The following CPD variants were observed in gnomAD, a reference collection of about 807,000 sequenced individuals.
CPD encodes the protein carboxypeptidase D, also known as metallocarboxypeptidase D.
CPD carries 69 observed loss-of-function variants against 138.3 expected under a neutral mutation model. That is an observed-to-expected ratio of 0.50 (90% CI 0.41 to 0.61). The LOEUF (loss-of-function observed/expected upper bound fraction) is 0.61, where lower values mean the gene tolerates loss of function less well. Ranked by LOEUF, CPD falls within the 20% of genes least tolerant of loss-of-function variation. The pLI is 0.00. For synonymous variants in CPD, 651 were observed against 642.1 expected (o/e 1.01, Z -0.21); for missense variants, 1,432 against 1,733.3 (o/e 0.83, Z 3.09).
intron 9 of CPD, among the ~76,000 whole-genome samples, 155 bp from the exon 10 acceptor site, chr17:30,442,153 A>T (rs7214121): frequency 1.3e-5 from 2 of 152,160 alleles, no homozygotes; most frequent in African/African-American, 4.8e-5. Context: ...TTTTGCTTGT[A>T]TCGCAAGCAT....
chr17:30,411,053 G>A (rs1235236159), intron 2 of CPD, among the ~76,000 whole-genome samples: 1 of 152,160 alleles, frequency 6.6e-6, no homozygotes, highest in Admixed American at 6.5e-5. Context: ...GGCAGGTCTG[G>A]TGGTGACAAA....
chr17:30,462,194 A>G (rs1160703106), intron 19 of CPD, 132 bp downstream of exon 19: 5 of 1,078,910 alleles, frequency 4.6e-6, no homozygotes, highest in African/African-American at 1.6e-5. Context: ...CTTGATTATG[A>G]TATCTTGTTA....
At chr17:30,421,476 A>G (rs1567874389) in intron 3 of CPD, among the ~76,000 whole-genome samples, 188 bp from the exon 4 acceptor site, 1 of 152,240 alleles carries the variant, frequency 6.6e-6, no homozygotes, top group Non-Finnish European at 1.5e-5. Context: ...GTTCAGACAT[A>G]TGACTTAAGT....
At position 30,420,948 on chromosome 17, in the gene CPD, A is replaced by G; in HGVS notation, c.1102A>G (p.Asn368Asp). The change falls in exon 3 of 21, where the codon AAC becomes GAC. Residue 368 changes from asparagine to aspartate, a missense_variant. This residue lies in a region of CPD where 160 missense variants were observed against 197.9 expected (regional missense o/e 0.81). Coordinates refer to ENST00000225719, the MANE Select transcript of CPD (RefSeq NM_001304.5). ...TTCACAGCTTCGACAGGAATGGGAG[A>G]ACAATCGTGAGTCTTTGATCACATT... ...PASQLRQEWENNRESLITLIE... is the reference protein window; with the variant it reads ...PASQLRQEWEDNRESLITLIE... 1.2e-6 allele frequency: 2 copies of G among 1,613,922 alleles called. No individual in the cohort carries two copies. The highest frequency in any genetic ancestry group is 1.7e-6 in the Non-Finnish European group (2 of 1,179,822).
intron 2 of CPD, among the ~76,000 whole-genome samples, chr17:30,391,604 G>A (rs1458761596): frequency 6.6e-6 from 1 of 152,202 alleles, no homozygotes; most frequent in African/African-American, 2.4e-5. Context: ...GTGGCAAAGA[G>A]AGAGCTTTGG....
In CPD at chr17:30,436,255, G is replaced by C. The variant is rs953030418; in HGVS notation, c.2128-2720G>C. Among the ~76,000 whole-genome samples the C allele has an allele frequency of 7.2e-5, 11 of 152,216 alleles. 1 individual carries two copies. Among genetic ancestry groups the C allele is most frequent in the Admixed American group, 7.2e-4 (11 of 15,278 alleles). ...TTGAGCCCAAGAAGTAGAGGCTATCGTGAGCTATGATCATGCCACTGCACT... is the reference window on the plus strand; with the variant it reads ...TTGAGCCCAAGAAGTAGAGGCTATCCTGAGCTATGATCATGCCACTGCACT... On this transcript the variant is annotated intron_variant, in intron 8 of 20. Coordinates refer to ENST00000225719, the MANE Select transcript of CPD (RefSeq NM_001304.5).
At chr17:30,422,546 CT>C (rs1383086914) in intron 4 of CPD, 127 bp from the exon 5 acceptor site, 1 of 612,864 alleles carries the variant, frequency 1.6e-6, no homozygotes, top group East Asian at 2.9e-5. Context: ...ACACATCTCT[CT>C]TTATTTAGTT....
intron 7 of CPD, among the ~76,000 whole-genome samples, chr17:30,427,886 C>G (rs1183901116): frequency 2.0e-5 from 3 of 150,758 alleles, no homozygotes; most frequent in Non-Finnish European, 1.5e-5. Flanking sequence ...TCTGTCTTGT[C>G]TTTTTTCTCC....
At chr17:30,414,774 T>C (rs1373991775) in intron 2 of CPD, among the ~76,000 whole-genome samples, 1 of 152,206 alleles carries the variant, frequency 6.6e-6, no homozygotes, top group Non-Finnish European at 1.5e-5. Context: ...AGCAACTATT[T>C]AATAGAAGAA....
intron 2 of CPD, among the ~76,000 whole-genome samples, chr17:30,402,729 A>G (rs1048546763): frequency 6.6e-6 from 1 of 152,122 alleles, no homozygotes; most frequent in African/African-American, 2.4e-5. Flanking sequence ...TGGTTATTTG[A>G]ATGTCAAATA....
chr17:30,395,506 T>C (rs1455566641), intron 2 of CPD, among the ~76,000 whole-genome samples: 1 of 152,096 alleles, frequency 6.6e-6, no homozygotes, highest in African/African-American at 2.4e-5. Flanking sequence ...ACGAGTTGGC[T>C]TTAGTAAATT....
intron 2 of CPD, among the ~76,000 whole-genome samples, chr17:30,396,505 T>C (rs1911510830): frequency 6.6e-6 from 1 of 152,230 alleles, no homozygotes; most frequent in Non-Finnish European, 1.5e-5. Flanking sequence ...TTGAATTTAT[T>C]AATCTCCCCT....
rs770037232 is a variant in CPD at position 30,462,041 on chromosome 17, G to T, written c.3795G>T (p.Gly1265=). 1 of 1,610,014 alleles carries T rather than the reference G, an allele frequency of 6.2e-7. No individual in the cohort carries two copies. Among genetic ancestry groups the T allele is most frequent in the Non-Finnish European group, 8.5e-7 (1 of 1,178,728 alleles). ...GVHNIIAIAD[G]YQQQHSQVFV... is the part of the protein sequence containing the mutation. ...ATAACATTATTGCCATCGCTGATGG[G>T]TACCAGCAACAACATTCACAGGTAA... Residue 1265 remains glycine, a synonymous_variant, in exon 19 of 21, where the codon GGG becomes GGT. Coordinates refer to ENST00000225719, the MANE Select transcript of CPD (RefSeq NM_001304.5).
At chr17:30,422,031 G>A (rs900055897) in intron 4 of CPD, among the ~76,000 whole-genome samples, 198 bp downstream of exon 4, 2 of 152,144 alleles carry the variant, frequency 1.3e-5, no homozygotes, top group African/African-American at 2.4e-5. Context: ...ACAATGGGAT[G>A]TGAAGCATAG....
intron 2 of CPD, among the ~76,000 whole-genome samples, chr17:30,394,860 T>A (rs541829017): frequency 6.6e-6 from 1 of 151,186 alleles, no homozygotes; most frequent in Admixed American, 6.6e-5. Flanking sequence ...ACTAATTGGA[T>A]GGTGGGGATT....
At chr17:30,442,165 A>G (rs1284339133) in intron 9 of CPD, 143 bp from the exon 10 acceptor site, 1 of 618,490 alleles carries the variant, frequency 1.6e-6, no homozygotes, top group African/African-American at 1.8e-5. Flanking sequence ...CGCAAGCATC[A>G]AAGTGCCCTC....
rs1002554098 is a variant in CPD, at chr17:30,469,293, G to C, written c.*4479G>C. On this transcript the variant is annotated 3_prime_UTR_variant, in exon 21 of 21. Coordinates refer to ENST00000225719, the MANE Select transcript of CPD (RefSeq NM_001304.5). ...GCTGTAAAGGAAATAAAGCATAGAG[G>C]TTTGAGCATGGACTTTGGAGTTGGA... 6.6e-6 allele frequency: 1 copy of C among 152,162 alleles called. No individual in the cohort carries two copies. The highest frequency in any genetic ancestry group is 1.5e-5 in the Non-Finnish European group (1 of 68,022). 9.4% of individuals were successfully genotyped at this position (152,162 alleles called of 1,614,324 possible).
rs1913050234 is a variant in CPD, at chr17:30,447,005, C to T, written c.2873+985C>T. Among the ~76,000 whole-genome samples the T allele has an allele frequency of 2.0e-5, 3 of 152,158 alleles. No homozygotes were observed. In the South Asian group the frequency reaches 6.2e-4, roughly 32 times the overall value. On this transcript the variant is annotated intron_variant, in intron 12 of 20. Transcript: ENST00000225719. ...GAAGTGTCTGTTCATATCCTTCACC[C>T]ACTTTTTGATGGGGTTGTTTGTATT...
chr17:30,442,497 G>T (rs778083342), intron 10 of CPD, 47 bp downstream of exon 10: 10 of 1,588,750 alleles, frequency 6.3e-6, no homozygotes, highest in Non-Finnish European at 8.6e-6. Context: ...AGGGTGAAAA[G>T]ATTTTTGTGC....
Sources: allele counts gnomAD v4.1 joint callset (sites outside exome capture counted in the v4.1 genomes callset), GRCh38; gene constraint gnomAD v4.1.1; regional missense constraint gnomAD v4.1.1; transcripts MANE v1.5; gene names NCBI Gene and HGNC (gene_info 2026-07-23, HGNC 2026-07-21).